The following MDFIC variants were observed in gnomAD, a reference collection of about 807,000 sequenced individuals.
The protein encoded by MDFIC is MyoD family inhibitor domain containing.
Under a neutral mutation model 23.2 loss-of-function variants are expected in MDFIC, and 17 were observed. The observed-to-expected ratio is 0.73, with a 90% CI of 0.50 to 1.10. The LOEUF (loss-of-function observed/expected upper bound fraction) is 1.10, where lower values mean the gene tolerates loss of function less well. Ranked by LOEUF, MDFIC falls within the 50% of genes least tolerant of loss-of-function variation. The pLI, the probability that MDFIC is intolerant of heterozygous loss-of-function variation, is 0.00. For synonymous variants in MDFIC, 120 were observed against 115.2 expected (o/e 1.04, Z -0.27); for missense variants, 356 against 316.6 (o/e 1.12, Z -0.95).
At chr7:114,974,700 A>G (rs1343821939) in intron 3 of MDFIC, among the ~76,000 whole-genome samples, 6 of 152,096 alleles carry the variant, frequency 3.9e-5, no homozygotes, top group Non-Finnish European at 5.9e-5. Flanking sequence ...ACTAGCTACA[A>G]TATCACCAGT....
chr7:115,008,710 A>G (rs1791621205), intron 4 of MDFIC, among the ~76,000 whole-genome samples: 2 of 152,202 alleles, frequency 1.3e-5, no homozygotes, highest in African/African-American at 4.8e-5. Flanking sequence ...AGAACTCCCC[A>G]GAGATGTCTG....
At chr7:114,994,095 A>G (rs1791258777) in intron 4 of MDFIC, among the ~76,000 whole-genome samples, 1 of 152,074 alleles carries the variant, frequency 6.6e-6, no homozygotes, top group Non-Finnish European at 1.5e-5. Context: ...TCCCTTTACC[A>G]TTATATAATG....
intron 4 of MDFIC, among the ~76,000 whole-genome samples, chr7:115,011,058 C>T (rs1791671961): frequency 6.6e-6 from 1 of 152,178 alleles, no homozygotes; most frequent in South Asian, 2.1e-4. Context: ...AACTGACCTT[C>T]CTCCAAGGAA....
chr7:114,958,954 C>T (rs906803797), intron 3 of MDFIC, among the ~76,000 whole-genome samples: 1 of 152,180 alleles, frequency 6.6e-6, no homozygotes, highest in Admixed American at 6.6e-5. Context: ...TTTGTTGTAA[C>T]ACTCACTGGG....
At chr7:114,950,959 A>G (rs999571629) in intron 3 of MDFIC, among the ~76,000 whole-genome samples, 1 of 152,100 alleles carries the variant, frequency 6.6e-6, no homozygotes, top group East Asian at 1.9e-4. Flanking sequence ...GGATTGCTTG[A>G]TTTCAGGAGT....
At chr7:115,001,821 G>A (rs1791471113) in intron 4 of MDFIC, among the ~76,000 whole-genome samples, 1 of 152,216 alleles carries the variant, frequency 6.6e-6, no homozygotes, top group South Asian at 2.1e-4. Context: ...AAATATATAT[G>A]TATGTGTATA....
At chr7:115,012,039 T>C (rs956177637) in intron 4 of MDFIC, among the ~76,000 whole-genome samples, 1 of 152,226 alleles carries the variant, frequency 6.6e-6, no homozygotes, top group African/African-American at 2.4e-5. Flanking sequence ...TAATCCCATA[T>C]CCAGTGTTAT....
chr7:114,989,641 A>C (rs1341558887), intron 4 of MDFIC, among the ~76,000 whole-genome samples: 1 of 152,200 alleles, frequency 6.6e-6, no homozygotes, highest in African/African-American at 2.4e-5. Context: ...AAGCAAGAGA[A>C]TTGAGCAACC....
chr7:114,930,911 A>G (rs1309714623), intron 2 of MDFIC, among the ~76,000 whole-genome samples: 1 of 152,202 alleles, frequency 6.6e-6, no homozygotes, highest in Non-Finnish European at 1.5e-5. Context: ...TACATTCTGT[A>G]CTGACTAGAT....
Position 115,016,102 on chromosome 7 carries a change from G to C in MDFIC, c.*167G>C, listed in dbSNP as rs1332275332. On this transcript the variant is annotated 3_prime_UTR_variant, in exon 5 of 5. Transcript: ENST00000393486. Reference sequence around the variant, plus strand: ...CTTTTTACTTTAACCAAATCTACATGGTTTAATATGTGAAATTTTAACTAC... The same window carrying C: ...CTTTTTACTTTAACCAAATCTACATCGTTTAATATGTGAAATTTTAACTAC... The C allele has an allele frequency of 1.6e-6, 1 of 633,164 alleles. No homozygotes were observed. The highest frequency in any genetic ancestry group is 2.6e-6 in the Non-Finnish European group (1 of 382,332). The allele number at this position is 633,164 out of a possible 1,614,324, so 39.2% of individuals were successfully genotyped here.
intron 4 of MDFIC, among the ~76,000 whole-genome samples, chr7:115,010,071 A>T (rs748730397): frequency 0.098 from 14,928 of 152,226 alleles, 1,062 homozygotes; most frequent in African/African-American, 0.2. Flanking sequence ...AATCTTAAGA[A>T]CAGGGGAAAA....
chr7:114,969,639 G>A (rs1793169532), intron 3 of MDFIC, among the ~76,000 whole-genome samples: 1 of 152,148 alleles, frequency 6.6e-6, no homozygotes, highest in African/African-American at 2.4e-5. Context: ...AGAAGAAAGG[G>A]GTGAATTGGA....
In MDFIC at chr7:114,969,969, CT is replaced by C. The variant is rs576772008; in HGVS notation, c.218-9536del. On this transcript the variant is annotated intron_variant, in intron 3 of 4. Coordinates refer to ENST00000393486, the MANE Select transcript of MDFIC (RefSeq NM_001166345.3). ...TCCTGCAACATGTGGCTTAAAACAC[CT>C]CTGGATAGGCAGAACGTAGGATAGC... Among the ~76,000 whole-genome samples, 11 of 152,244 alleles carry C rather than the reference CT, an allele frequency of 7.2e-5. No individual in the cohort carries two copies. The South Asian group carries it at 1.0e-3, about 14-fold the overall frequency.
intron 4 of MDFIC, among the ~76,000 whole-genome samples, chr7:115,002,502 T>C (rs1791484718): frequency 6.6e-6 from 1 of 152,162 alleles, no homozygotes; most frequent in Non-Finnish European, 1.5e-5. Flanking sequence ...TAGGTACAGT[T>C]TGGGGACACA....
intron 3 of MDFIC, among the ~76,000 whole-genome samples, chr7:114,969,870 A>G (rs2115909075): frequency 6.6e-6 from 1 of 152,328 alleles, no homozygotes; most frequent in African/African-American, 2.4e-5. Context: ...ACAGACCTCT[A>G]GGTGATGTTT....
At chr7:114,968,082 G>T (rs947618423) in intron 3 of MDFIC, among the ~76,000 whole-genome samples, 12 of 152,106 alleles carry the variant, frequency 7.9e-5, no homozygotes, top group African/African-American at 2.9e-4. Flanking sequence ...CTCCCAATGT[G>T]CTGGGATTAC....
intron 3 of MDFIC, among the ~76,000 whole-genome samples, chr7:114,947,239 C>T (rs6979441): frequency 0.044 from 6,690 of 152,162 alleles, 175 homozygotes; most frequent in Non-Finnish European, 0.069. Flanking sequence ...ATTTCATGCT[C>T]ATTCATTTTT....
At chr7:115,000,732 G>T (rs1791450567) in intron 4 of MDFIC, among the ~76,000 whole-genome samples, 1 of 152,086 alleles carries the variant, frequency 6.6e-6, no homozygotes, top group African/African-American at 2.4e-5. Context: ...TTTCATGTTT[G>T]CATTTTAATG....
At chr7:114,959,086 G>C (rs1792938043) in intron 3 of MDFIC, among the ~76,000 whole-genome samples, 1 of 152,176 alleles carries the variant, frequency 6.6e-6, no homozygotes, top group Non-Finnish European at 1.5e-5. Context: ...GTGTGGGAGT[G>C]TTCATTTTCT....
Sources: allele counts gnomAD v4.1 joint callset (sites outside exome capture counted in the v4.1 genomes callset), GRCh38; gene constraint gnomAD v4.1.1; transcripts MANE v1.5; gene names NCBI Gene and HGNC (gene_info 2026-07-23, HGNC 2026-07-21).